Variants in ARHGEF10L observed in about 807,000 individuals in gnomAD.
ARHGEF10L encodes Rho guanine nucleotide exchange factor 10 like.
In ARHGEF10L, 69 loss-of-function variants were observed where a neutral mutation model predicts 141.2. That is an observed-to-expected ratio of 0.49 (90% CI 0.40 to 0.60). The LOEUF (loss-of-function observed/expected upper bound fraction) is 0.60, where lower values mean the gene tolerates loss of function less well. ARHGEF10L is among the 20% of genes least tolerant of loss of function. ARHGEF10L has a pLI of 0.00. For synonymous variants in ARHGEF10L, 711 were observed against 718.5 expected (o/e 0.99, Z 0.17); for missense variants, 1,482 against 1,734.3 (o/e 0.85, Z 2.58).
Position 17,635,034 on chromosome 1 carries a change from G to A in ARHGEF10L, c.1927+18G>A, listed in dbSNP as rs1490963059. The A allele has an allele frequency of 6.2e-7, 1 of 1,613,262 alleles. No homozygotes were observed. Among genetic ancestry groups the A allele is most frequent in the African/African-American group, 1.3e-5 (1 of 74,894 alleles). On this transcript the variant is annotated intron_variant, in intron 18 of 28. Coordinates refer to ENST00000361221, the MANE Select transcript of ARHGEF10L (RefSeq NM_018125.4). ...GGCTCAGAGTGAGTACCCCCTCTCTGTGCCCTGCGTTCGTCACCCTCGCCC... is the reference window on the plus strand; with the variant it reads ...GGCTCAGAGTGAGTACCCCCTCTCTATGCCCTGCGTTCGTCACCCTCGCCC...
intron 26 of ARHGEF10L, among the ~76,000 whole-genome samples, chr1:17,674,815 C>T (rs997489362): frequency 9.2e-5 from 14 of 152,136 alleles, no homozygotes; most frequent in African/African-American, 3.1e-4. Context: ...GTGTTACAGT[C>T]GCCTGCAGTG....
intron 4 of ARHGEF10L, among the ~76,000 whole-genome samples, chr1:17,598,959 T>G (rs932807051): frequency 6.6e-6 from 1 of 152,050 alleles, no homozygotes; most frequent in Non-Finnish European, 1.5e-5. Context: ...ATTAGCTGAG[T>G]GATTTCTGGG....
intron 1 of ARHGEF10L, among the ~76,000 whole-genome samples, chr1:17,564,051 G>T (rs111297272): frequency 4.5e-4 from 69 of 152,288 alleles, no homozygotes; most frequent in African/African-American, 1.6e-3. Context: ...CCCCAAGGAG[G>T]CCCTTCCAGG....
intron 9 of ARHGEF10L, chr1:17,618,391 G>C (rs954293914): frequency 6.5e-7 from 1 of 1,543,858 alleles, no homozygotes; most frequent in Non-Finnish European, 8.7e-7. Context: ...AGGAAGCTGC[G>C]AGGCAGGCTG....
chr1:17,692,612 C>T (rs963701650), intron 27 of ARHGEF10L, among the ~76,000 whole-genome samples: 2 of 152,184 alleles, frequency 1.3e-5, no homozygotes, highest in African/African-American at 2.4e-5. Context: ...TCACTGCCGC[C>T]GCCCTTCCCA....
At position 17,607,055 on chromosome 1, in the gene ARHGEF10L, G is replaced by A. The variant is rs1428464849; in HGVS notation, c.434-747G>A. Among the ~76,000 whole-genome samples the A allele has an allele frequency of 2.6e-5, 4 of 152,346 alleles. No homozygotes were observed. Among genetic ancestry groups the A allele is most frequent in the South Asian group, 4.1e-4 (2 of 4,830 alleles). On this transcript the variant is annotated intron_variant, in intron 6 of 28. Transcript: ENST00000361221. This position sits in a 1 kb window ranked among gnomAD's most constrained non-coding sequence, Gnocchi z 4.5. ...CCTACTGGAAGATCCCAGGCTGCAC[G>A]TGAAGTCAGATTTGGGGTGAGGAGC...
At position 17,654,510 on chromosome 1, in the gene ARHGEF10L, T is replaced by C; in HGVS notation, c.2395-126T>C. 1 of 834,462 alleles carries C rather than the reference T, an allele frequency of 1.2e-6. No individual in the cohort carries two copies. Among genetic ancestry groups the C allele is most frequent in the Non-Finnish European group, 2.1e-6 (1 of 478,848 alleles). The allele number at this position is 834,462 out of a possible 1,614,324, so 51.7% of individuals were successfully genotyped here. On this transcript the variant is annotated intron_variant, in intron 22 of 28. Transcript: ENST00000361221. The surrounding 1 kb of genome is among the most constrained non-coding windows in gnomAD (Gnocchi z 4.3). The stretch of plus-strand genomic sequence containing the variant: ...AGCAGGCACTCGTGAAGCATGTTGC[T>C]TTCCTGGCCCCCACCCACAGGGATT...
At position 17,587,599 on chromosome 1, in the gene ARHGEF10L, G is replaced by C. The variant is rs1257856672; in HGVS notation, c.177G>C (p.Arg59Ser). 6.2e-7 allele frequency: 1 copy of C among 1,614,088 alleles called. No individual in the cohort carries two copies. The highest frequency in any genetic ancestry group is 1.1e-5 in the South Asian group (1 of 91,064). The change falls in exon 3 of 29, where the codon AGG becomes AGC. Residue 59 changes from arginine (R) to serine (S), a missense_variant. By Grantham distance (110) the Arg-to-Ser change is moderately radical. Around this residue, in one of 3 missense-constraint regions of ARHGEF10L, gnomAD observed 232 missense variants for 225.9 expected, o/e 1.03. Coordinates refer to ENST00000361221, the MANE Select transcript of ARHGEF10L (RefSeq NM_018125.4). Reference sequence around the variant, plus strand: ...GCGTCCCCAGCCTTGCTCCTGAGAGGGACACAGACCCCCCACTGATCCACT... The same window carrying C: ...GCGTCCCCAGCCTTGCTCCTGAGAGCGACACAGACCCCCCACTGATCCACT... The part of the protein sequence containing the change: ...ALGVPSLAPE[R>S]DTDPPLIHLD...
chr1:17,553,033 A>G (rs1183633806), intron 1 of ARHGEF10L, among the ~76,000 whole-genome samples: 1 of 152,196 alleles, frequency 6.6e-6, no homozygotes. Flanking sequence ...CTTAAGTTTT[A>G]TCACGAAGAC....
intron 1 of ARHGEF10L, among the ~76,000 whole-genome samples, chr1:17,578,622 G>A (rs1212009526): frequency 6.6e-6 from 1 of 152,184 alleles, no homozygotes; most frequent in Non-Finnish European, 1.5e-5. Context: ...GGAGTTCCAG[G>A]CTACAGTGAG....
intron 26 of ARHGEF10L, among the ~76,000 whole-genome samples, chr1:17,685,505 C>T (rs1012746298): frequency 1.1e-4 from 16 of 152,216 alleles, no homozygotes; most frequent in African/African-American, 3.9e-4. Context: ...TAAATGTCAC[C>T]TCCTAGAGAC....
Position 17,607,093 on chromosome 1 carries a change from A to G in ARHGEF10L, c.434-709A>G, listed in dbSNP as rs571891352. On this transcript the variant is annotated intron_variant, in intron 6 of 28. Coordinates refer to ENST00000361221, the MANE Select transcript of ARHGEF10L (RefSeq NM_018125.4). This position sits in a 1 kb window ranked among gnomAD's most constrained non-coding sequence, Gnocchi z 4.5. Reference sequence around the variant, plus strand: ...TGGGGTGAGGAGCCCTGAGGCCCCAACAATCTCTGTTTCATTCCTGAGGAT... The same window carrying G: ...TGGGGTGAGGAGCCCTGAGGCCCCAGCAATCTCTGTTTCATTCCTGAGGAT... Among the ~76,000 whole-genome samples the G allele has an allele frequency of 1.3e-4, 20 of 152,320 alleles. No homozygotes were observed. In the South Asian group the frequency reaches 2.9e-3, roughly 22 times the overall value.
chr1:17,514,561 G>T, the ARHGEF10L span, among the ~76,000 whole-genome samples: 2 of 152,184 alleles, frequency 1.3e-5, no homozygotes, highest in African/African-American at 2.4e-5. Flanking sequence ...TCTCAGGAAG[G>T]AAATGGGAGG....
chr1:17,632,591 A>G lies in ARHGEF10L; in HGVS notation c.1730+125A>G. The G allele has an allele frequency of 2.4e-6, 3 of 1,266,224 alleles. No homozygotes were observed. In the Admixed American group the frequency reaches 5.4e-5, roughly 23 times the overall value. The allele number at this position is 1,266,224 out of a possible 1,614,324, so 78.4% of individuals were successfully genotyped here. On this transcript the variant is annotated intron_variant, in intron 16 of 28. Coordinates refer to ENST00000361221, the MANE Select transcript of ARHGEF10L (RefSeq NM_018125.4). The stretch of plus-strand genomic sequence containing the variant: ...TGTGAGCTTGGTTTAGGCTTCCAAT[A>G]TTCCTCTCCCATCCCTCTTGCCCTG...
chr1:17,594,829 G>A (rs529229639), intron 4 of ARHGEF10L, among the ~76,000 whole-genome samples: 5 of 152,250 alleles, frequency 3.3e-5, no homozygotes, highest in South Asian at 2.1e-4. Context: ...GAGACTCACC[G>A]GATGGCACTG....
chr1:17,664,924 C>T (rs978808303), intron 26 of ARHGEF10L, among the ~76,000 whole-genome samples: 2 of 152,182 alleles, frequency 1.3e-5, no homozygotes, highest in African/African-American at 4.8e-5. Context: ...CCACAGAGCC[C>T]GGGCAATGCT....
rs1386234001 is a variant in ARHGEF10L, at chr1:17,556,227, G to A, written c.-44+16277G>A. ...GAGCACAGGGGGAGGCTGGGAGCAC[G>A]GAGGTGAGCCTGGGAGCATAGAGGT... On this transcript the variant is annotated intron_variant, in intron 1 of 28. Transcript: ENST00000361221. Among the ~76,000 whole-genome samples, 7 of 131,502 alleles carry A rather than the reference G, an allele frequency of 5.3e-5. No individual in the cohort carries two copies. In the South Asian group the frequency reaches 7.9e-4, roughly 15 times the overall value. The allele number at this position is 131,502 out of a possible 152,430, so 86.3% of individuals were successfully genotyped here. A position where few individuals can be genotyped will look rare whatever the true frequency, so the allele number is the denominator to read the frequency against.
At chr1:17,629,666 T>TA (rs1167896847) in intron 15 of ARHGEF10L, among the ~76,000 whole-genome samples, 1 of 152,016 alleles carries the variant, frequency 6.6e-6, no homozygotes, top group Non-Finnish European at 1.5e-5. Context: ...AGGGGCAGGG[T>TA]CACTCTCCAC....
intron 20 of ARHGEF10L, 55 bp downstream of exon 20, chr1:17,638,744 G>A: frequency 6.2e-7 from 1 of 1,607,562 alleles, no homozygotes; most frequent in African/African-American, 1.3e-5. Context: ...GCTTCCAGTG[G>A]AGCAGGGGAT....
Sources: allele counts gnomAD v4.1 joint callset (sites outside exome capture counted in the v4.1 genomes callset), GRCh38; gene constraint gnomAD v4.1.1; regional missense constraint gnomAD v4.1.1; non-coding constraint Gnocchi (gnomAD v3.1); transcripts MANE v1.5; gene names NCBI Gene and HGNC (gene_info 2026-07-23, HGNC 2026-07-21).